The following PTPRD variants were observed in gnomAD, a reference collection of about 807,000 sequenced individuals.
PTPRD encodes protein tyrosine phosphatase receptor type D.
PTPRD carries 34 observed loss-of-function variants against 214.5 expected under a neutral mutation model. That is an observed-to-expected ratio of 0.16 (90% CI 0.12 to 0.21). The LOEUF (loss-of-function observed/expected upper bound fraction) is 0.21. Among genes scored for constraint, PTPRD ranks in the 10% least tolerant of loss-of-function variants. The pLI is 1.00. For missense variants in PTPRD, 2,545 were observed against 2,398.7 expected (o/e 1.06, Z -1.27); for synonymous variants, 1,128 against 845.7 (o/e 1.33, Z -5.79).
chr9:8,347,154 T>C (rs1360137254), intron 39 of PTPRD, among the ~76,000 whole-genome samples: 5 of 152,068 alleles, frequency 3.3e-5, no homozygotes, highest in African/African-American at 1.2e-4. Flanking sequence ...TGTTTGTAGC[T>C]TGAAATCATC....
At chr9:10,576,872 A>C (rs544086014) in intron 2 of PTPRD, among the ~76,000 whole-genome samples, 5 of 152,166 alleles carry the variant, frequency 3.3e-5, no homozygotes, top group Non-Finnish European at 7.4e-5. Flanking sequence ...GATGCCACCA[A>C]ATGGAAAATG....
intron 5 of PTPRD, among the ~76,000 whole-genome samples, chr9:9,864,791 G>T (rs1314807343): frequency 2.6e-5 from 4 of 152,112 alleles, no homozygotes; most frequent in African/African-American, 9.7e-5. Context: ...TAGGATTGCA[G>T]ACATGAACCA....
At chr9:9,507,238 T>C (rs546206051) in intron 8 of PTPRD, among the ~76,000 whole-genome samples, 5 of 151,382 alleles carry the variant, frequency 3.3e-5, no homozygotes, top group Admixed American at 2.0e-4. Context: ...AGCAAGGATA[T>C]ACAATATATA....
At chr9:8,979,554 A>G (rs1292872209) in intron 11 of PTPRD, among the ~76,000 whole-genome samples, 3 of 152,110 alleles carry the variant, frequency 2.0e-5, no homozygotes, top group Non-Finnish European at 4.4e-5. Flanking sequence ...AAAACAAATG[A>G]CTCCACTTAA....
chr9:9,839,398 C>T (rs1323571505), intron 5 of PTPRD, among the ~76,000 whole-genome samples: 3 of 152,108 alleles, frequency 2.0e-5, no homozygotes, highest in Admixed American at 6.6e-5. Context: ...AGCATTCTTA[C>T]ACACCAATAA....
intron 2 of PTPRD, among the ~76,000 whole-genome samples, chr9:10,396,209 A>C (rs1383184465): frequency 6.6e-6 from 1 of 151,964 alleles, no homozygotes; most frequent in East Asian, 1.9e-4. Flanking sequence ...GTTGAAACTA[A>C]TGTGATATAA....
chr9:9,206,106 T>C (rs773571144), intron 9 of PTPRD, among the ~76,000 whole-genome samples: 1 of 152,202 alleles, frequency 6.6e-6, no homozygotes, highest in Admixed American at 6.5e-5. Flanking sequence ...TAGAGCATTC[T>C]AGAGGTTGGC....
At chr9:10,243,349 T>C (rs1302794110) in intron 3 of PTPRD, among the ~76,000 whole-genome samples, 4 of 101,582 alleles carry the variant, frequency 3.9e-5, no homozygotes, top group African/African-American at 5.6e-5. Context: ...TAAATGTTAA[T>C]GTTTTATGTT....
At chr9:9,487,933 T>G (rs919324305) in intron 8 of PTPRD, among the ~76,000 whole-genome samples, 1 of 152,160 alleles carries the variant, frequency 6.6e-6, no homozygotes, top group Non-Finnish European at 1.5e-5. Context: ...AGATAATGAG[T>G]TCTTGTCAAA....
intron 8 of PTPRD, among the ~76,000 whole-genome samples, chr9:9,431,297 G>A (rs967236810): frequency 5.3e-5 from 8 of 152,322 alleles, no homozygotes; most frequent in Non-Finnish European, 8.8e-5. Flanking sequence ...ACAGACACAT[G>A]AAAAATTGCT....
chr9:9,991,371 C>A (rs28521530), intron 4 of PTPRD, among the ~76,000 whole-genome samples: 1 of 143,730 alleles, frequency 7.0e-6, no homozygotes, highest in Non-Finnish European at 1.5e-5. Context: ...TTTTTTTTTT[C>A]TTTTTTTGAA....
intron 3 of PTPRD, among the ~76,000 whole-genome samples, chr9:10,203,136 T>A (rs1273579110): frequency 1.3e-5 from 2 of 151,418 alleles, no homozygotes; most frequent in Non-Finnish European, 2.9e-5. Context: ...TCCTGAGAAA[T>A]CAGTTCCTGT....
At chr9:8,744,503 C>T (rs766522588) in intron 11 of PTPRD, among the ~76,000 whole-genome samples, 2 of 152,180 alleles carry the variant, frequency 1.3e-5, no homozygotes, top group Non-Finnish European at 2.9e-5. Flanking sequence ...TGCAGCAACA[C>T]AGATGGAATT....
At chr9:9,893,807 G>C (rs2074146832) in intron 5 of PTPRD, among the ~76,000 whole-genome samples, 1 of 151,940 alleles carries the variant, frequency 6.6e-6, no homozygotes, top group African/African-American at 2.4e-5. Context: ...TCTTCTTTTA[G>C]CCTGTTCCTT....
intron 9 of PTPRD, among the ~76,000 whole-genome samples, chr9:9,395,573 A>C (rs1343377753): frequency 6.6e-6 from 1 of 152,076 alleles, no homozygotes; most frequent in Non-Finnish European, 1.5e-5. Context: ...GGGTTTCAGA[A>C]TATTCTTCAG....
At chr9:8,398,669 G>C (rs544380886) in intron 36 of PTPRD, among the ~76,000 whole-genome samples, 118 of 152,184 alleles carry the variant, frequency 7.8e-4, no homozygotes, top group African/African-American at 2.7e-3. Flanking sequence ...GAAAGATTAA[G>C]TTTGCCCTTT....
At chr9:9,473,069 C>T (rs979266102) in intron 8 of PTPRD, among the ~76,000 whole-genome samples, 1 of 152,082 alleles carries the variant, frequency 6.6e-6, no homozygotes, top group South Asian at 2.1e-4. Context: ...ATTTATTCCT[C>T]CAATCTAGTT....
At chr9:9,928,771 C>CAA (rs2085275781) in intron 5 of PTPRD, among the ~76,000 whole-genome samples, 2 of 151,854 alleles carry the variant, frequency 1.3e-5, no homozygotes, top group South Asian at 4.2e-4. Context: ...CACACACACA[C>CAA]ACACACACAC....
chr9:9,738,019 G>A (rs566820586), intron 6 of PTPRD, among the ~76,000 whole-genome samples: 2 of 151,744 alleles, frequency 1.3e-5, no homozygotes, highest in Admixed American at 1.3e-4. Flanking sequence ...ATCAAACACC[G>A]CATGTTCTCA....
Sources: allele counts gnomAD v4.1 joint callset (sites outside exome capture counted in the v4.1 genomes callset), GRCh38; gene constraint gnomAD v4.1.1; transcripts MANE v1.5; gene names NCBI Gene and HGNC (gene_info 2026-07-23, HGNC 2026-07-21).